The following MARCHF1 variants were observed in gnomAD, a reference collection of about 807,000 sequenced individuals.
MARCHF1 encodes membrane associated ring-CH-type finger 1.
In MARCHF1, 40 loss-of-function variants were observed where a neutral mutation model predicts 54.2. The ratio of observed to expected loss-of-function variants is 0.74; its 90% CI spans 0.57 to 0.96. The LOEUF (loss-of-function observed/expected upper bound fraction) is 0.96. Ranked by LOEUF, MARCHF1 falls within the 40% of genes least tolerant of loss-of-function variation. The pLI is 0.00. For synonymous variants in MARCHF1, 236 were observed against 236.3 expected (o/e 1.00, Z 0.01); for missense variants, 586 against 656.5 (o/e 0.89, Z 1.17).
chr4:164,352,601 C>T (rs1241476772), intron 1 of MARCHF1, among the ~76,000 whole-genome samples: 1 of 149,778 alleles, frequency 6.7e-6, no homozygotes, highest in East Asian at 2.1e-4. Flanking sequence ...TAAAAGAGTT[C>T]CTGAAGGAAG....
At chr4:164,374,787 A>G (rs565802768) in intron 1 of MARCHF1, among the ~76,000 whole-genome samples, 1 of 152,234 alleles carries the variant, frequency 6.6e-6, no homozygotes, top group South Asian at 2.1e-4. Flanking sequence ...TTATCCATTT[A>G]TTTAGTAAAG....
At chr4:163,777,286 T>C (rs907247680) in intron 4 of MARCHF1, among the ~76,000 whole-genome samples, 4 of 152,206 alleles carry the variant, frequency 2.6e-5, no homozygotes, top group African/African-American at 9.6e-5. Context: ...TTGCTAATGA[T>C]GGACCACTTC....
At chr4:164,042,266 T>A (rs1754145040) in intron 2 of MARCHF1, among the ~76,000 whole-genome samples, 1 of 152,098 alleles carries the variant, frequency 6.6e-6, no homozygotes, top group Admixed American at 6.6e-5. Flanking sequence ...TACACTGGTA[T>A]AAAGAACTAC....
At position 163,613,378 on chromosome 4, in the gene MARCHF1, T is replaced by C. The variant is rs944208226; in HGVS notation, c.178A>G (p.Thr60Ala). The change falls in exon 6 of 10, where the codon ACA becomes GCA. Residue 60 changes from threonine (T) to alanine (A), a missense_variant. By Grantham distance (58) the Thr-to-Ala change is moderately conservative. Around this residue, in one of 3 missense-constraint regions of MARCHF1, gnomAD observed 387 missense variants for 394.6 expected, o/e 0.98. Coordinates refer to ENST00000514618, the MANE Select transcript of MARCHF1 (RefSeq NM_001394959.1). ...SNISKASSPT[T>A]GTAPRSQSRL... is the part of the protein sequence containing the mutation. ...GACTGGCTCCTGGGAGCTGTCCCTG[T>C]TGTTGGGCTGCTTGCCTGGAGAAAC... is the stretch of plus-strand genomic sequence containing the variant. The C allele has an allele frequency of 5.6e-6, 9 of 1,613,228 alleles. No homozygotes were observed. In the Admixed American group the frequency reaches 1.0e-4, roughly 18 times the overall value.
chr4:163,797,917 T>C (rs1359384576), intron 4 of MARCHF1, among the ~76,000 whole-genome samples: 1 of 152,184 alleles, frequency 6.6e-6, no homozygotes, highest in East Asian at 1.9e-4. Flanking sequence ...TATTTGTGTT[T>C]GTGTGTCTGT....
At chr4:163,719,472 A>G (rs1039222716) in intron 4 of MARCHF1, among the ~76,000 whole-genome samples, 20 of 152,250 alleles carry the variant, frequency 1.3e-4, no homozygotes, top group African/African-American at 4.6e-4. Flanking sequence ...GCTATTGTGA[A>G]TACTGCCGCA....
chr4:164,322,428 A>G (rs1208599952), intron 1 of MARCHF1, among the ~76,000 whole-genome samples: 1 of 151,730 alleles, frequency 6.6e-6, no homozygotes, highest in African/African-American at 2.4e-5. Context: ...TGAGGAAAGT[A>G]GTGGGAGGTT....
chr4:163,634,631 C>T (rs1199801126), intron 5 of MARCHF1, among the ~76,000 whole-genome samples: 1 of 152,088 alleles, frequency 6.6e-6, no homozygotes, highest in Non-Finnish European at 1.5e-5. Flanking sequence ...GACTTAGACT[C>T]CTACACATTA....
In MARCHF1 at chr4:164,267,181, C is replaced by T. The variant is rs145800763; in HGVS notation, c.-323+116689G>A. ...CAGAAAAGATAGCACATTTGAAGGC[C>T]TGAATAAGAAATATTCTGGATAAGA... On this transcript the variant is annotated intron_variant, in intron 1 of 9. Transcript: ENST00000514618. Among the ~76,000 whole-genome samples, 435 of 152,222 alleles carry T rather than the reference C, an allele frequency of 2.9e-3. 2 individuals are homozygous for T. Among genetic ancestry groups the T allele is most frequent in the African/African-American group, 9.8e-3 (406 of 41,532 alleles).
At chr4:163,678,060 T>A (rs937582588) in intron 5 of MARCHF1, among the ~76,000 whole-genome samples, 1 of 152,264 alleles carries the variant, frequency 6.6e-6, no homozygotes, top group Non-Finnish European at 1.5e-5. Flanking sequence ...TGTTCTGGAC[T>A]CTTCCTTCTT....
chr4:163,766,975 TAAAA>T (rs879584243), intron 4 of MARCHF1, among the ~76,000 whole-genome samples: 10 of 151,954 alleles, frequency 6.6e-5, no homozygotes, highest in Non-Finnish European at 1.3e-4. Flanking sequence ...ATATTGGTGG[TAAAA>T]ATAATAATTA....
chr4:163,840,785 A>G (rs1749314894), intron 4 of MARCHF1, among the ~76,000 whole-genome samples: 1 of 152,050 alleles, frequency 6.6e-6, no homozygotes. Flanking sequence ...CCTGACCCCC[A>G]ACACAGAGAT....
intron 2 of MARCHF1, among the ~76,000 whole-genome samples, chr4:164,091,424 ATATATG>A (rs1049251673): frequency 3.4e-5 from 5 of 146,310 alleles, no homozygotes; most frequent in African/African-American, 7.4e-5. Flanking sequence ...ATATATATAT[ATATATG>A]TATAAAATGA....
chr4:164,174,186 A>G (rs1045817966), intron 1 of MARCHF1, among the ~76,000 whole-genome samples: 1 of 152,184 alleles, frequency 6.6e-6, no homozygotes, highest in African/African-American at 2.4e-5. Flanking sequence ...TGACTAGTCC[A>G]TAGTGAGAGG....
At chr4:163,695,593 A>T (rs1018112237) in intron 5 of MARCHF1, among the ~76,000 whole-genome samples, 7 of 152,178 alleles carry the variant, frequency 4.6e-5, no homozygotes, top group African/African-American at 1.4e-4. Context: ...ACTAACTGAA[A>T]TATCATTTTG....
At chr4:164,056,132 G>A (rs140943671) in intron 2 of MARCHF1, among the ~76,000 whole-genome samples, 1,899 of 152,158 alleles carry the variant, frequency 0.012, 38 homozygotes, top group African/African-American at 0.044. Flanking sequence ...TCCCTTTACC[G>A]TTTTCTAGTG....
intron 9 of MARCHF1, among the ~76,000 whole-genome samples, chr4:163,534,847 A>G (rs1262588934): frequency 6.6e-6 from 1 of 152,090 alleles, no homozygotes; most frequent in East Asian, 1.9e-4. Context: ...CGTGTTCGAT[A>G]ATAGCACTGT....
At chr4:164,142,984 G>A (rs1756589798) in intron 1 of MARCHF1, among the ~76,000 whole-genome samples, 2 of 151,898 alleles carry the variant, frequency 1.3e-5, no homozygotes, top group South Asian at 4.2e-4. Context: ...TAACGGAGCT[G>A]ATGGAGCTGA....
intron 4 of MARCHF1, among the ~76,000 whole-genome samples, chr4:163,784,425 T>C (rs1747557606): frequency 6.6e-6 from 1 of 152,266 alleles, no homozygotes; most frequent in South Asian, 2.1e-4. Context: ...TATCGTCTGG[T>C]GTTCTTAATA....
Sources: allele counts gnomAD v4.1 joint callset (sites outside exome capture counted in the v4.1 genomes callset), GRCh38; gene constraint gnomAD v4.1.1; regional missense constraint gnomAD v4.1.1; transcripts MANE v1.5; gene names NCBI Gene and HGNC (gene_info 2026-07-23, HGNC 2026-07-21).